The following TMEM132B variants were observed in gnomAD, a reference collection of about 807,000 sequenced individuals.
The protein encoded by TMEM132B is transmembrane protein 132B.
TMEM132B carries 18 observed loss-of-function variants against 90.8 expected under a neutral mutation model. That is an observed-to-expected ratio of 0.20 (90% CI 0.14 to 0.29). The LOEUF is 0.29. Ranked by LOEUF, TMEM132B falls within the 10% of genes least tolerant of loss-of-function variation. The pLI, the probability that TMEM132B is intolerant of heterozygous loss-of-function variation, is 1.00. For missense variants in TMEM132B, 1,096 were observed against 1,326.8 expected, an observed-to-expected ratio of 0.83 and a Z score of 2.70; for synonymous variants, 504 against 523.3, an observed-to-expected ratio of 0.96 and a Z score of 0.50.
At chr12:125,215,347 A>C (rs754610730) in intron 1 of TMEM132B, among the ~76,000 whole-genome samples, 1 of 152,234 alleles carries the variant, frequency 6.6e-6, no homozygotes, top group Non-Finnish European at 1.5e-5. Context: ...GGGTGTCAGC[A>C]GGCTGCATTC....
intron 5 of TMEM132B, among the ~76,000 whole-genome samples, chr12:125,607,032 G>C (rs774935788): frequency 2.6e-5 from 4 of 152,066 alleles, no homozygotes; most frequent in Non-Finnish European, 5.9e-5. Flanking sequence ...TTGGACACCC[G>C]GGAGTCCCAC....
Position 125,486,755 on chromosome 12 carries a change from G to A in TMEM132B, c.1107-32684G>A, listed in dbSNP as rs184791024. On this transcript the variant is annotated intron_variant, in intron 3 of 8. Coordinates refer to ENST00000682704, the MANE Select transcript of TMEM132B (RefSeq NM_001366854.1). ...TATTTCCCAGTGTCAGGAGACAAAC[G>A]TGTATGATTGCTGGCTGTCCTAATT... Among the ~76,000 whole-genome samples the A allele has an allele frequency of 2.2e-3, 341 of 152,284 alleles. 2 individuals carry two copies. The highest frequency in any genetic ancestry group is 3.4e-3 in the Middle Eastern group (1 of 294).
chr12:125,525,790 C>T (rs962027240), intron 4 of TMEM132B, among the ~76,000 whole-genome samples: 1 of 152,104 alleles, frequency 6.6e-6, no homozygotes, highest in Non-Finnish European at 1.5e-5. Flanking sequence ...TGATCTTTGC[C>T]CACTGAGTGG....
At chr12:125,215,697 A>T (rs1192803610) in intron 1 of TMEM132B, among the ~76,000 whole-genome samples, 2 of 152,068 alleles carry the variant, frequency 1.3e-5, no homozygotes, top group African/African-American at 4.8e-5. Flanking sequence ...ATGCGCCACC[A>T]CGCCTAGAGG....
intron 1 of TMEM132B, among the ~76,000 whole-genome samples, chr12:125,225,285 G>A (rs941465196): frequency 1.3e-5 from 2 of 152,220 alleles, no homozygotes; most frequent in Non-Finnish European, 2.9e-5. Context: ...ACGTAAGCAG[G>A]ACCAGCCGCA....
intron 5 of TMEM132B, among the ~76,000 whole-genome samples, chr12:125,621,307 A>T (rs1886105705): frequency 6.6e-6 from 1 of 152,162 alleles, no homozygotes; most frequent in Non-Finnish European, 1.5e-5. Flanking sequence ...GACAAGAATG[A>T]TGAGGGCATT....
chr12:125,434,512 A>AGAGGGTGG (rs1023040021), intron 3 of TMEM132B, among the ~76,000 whole-genome samples: 1 of 8,850 alleles, frequency 1.1e-4, no homozygotes, highest in South Asian at 2.9e-3. Flanking sequence ...GTGGGAGATT[A>AGAGGGTGG]GAGGGTGGGA....
chr12:125,281,289 T>C (rs981903263), intron 1 of TMEM132B, among the ~76,000 whole-genome samples: 1 of 152,102 alleles, frequency 6.6e-6, no homozygotes, highest in Non-Finnish European at 1.5e-5. Flanking sequence ...GGAACCTGTG[T>C]TTTGCTTCTG....
In TMEM132B at chr12:125,392,677, C is replaced by T. The variant is rs1488098695; in HGVS notation, c.960-22854C>T. 2.6e-5 allele frequency among the ~76,000 whole-genome samples: 4 copies of T among 152,306 alleles called. No individual in the cohort carries two copies. In the South Asian group the frequency reaches 6.2e-4, roughly 24 times the overall value. ...CCAAGAAAACCCACGTGGCTGAGGC[C>T]GGCTCACCTCCTGGGAGGAGTTGCA... On this transcript the variant is annotated intron_variant, in intron 2 of 8. Coordinates refer to ENST00000682704, the MANE Select transcript of TMEM132B (RefSeq NM_001366854.1).
At chr12:125,343,557 C>T (rs1566007701) in intron 1 of TMEM132B, among the ~76,000 whole-genome samples, 1 of 152,188 alleles carries the variant, frequency 6.6e-6, no homozygotes, top group Non-Finnish European at 1.5e-5. Context: ...AAGTGGAAAG[C>T]CTTTGGAATT....
intron 1 of TMEM132B, among the ~76,000 whole-genome samples, chr12:125,214,566 C>T (rs572857093): frequency 6.6e-6 from 1 of 152,290 alleles, no homozygotes; most frequent in African/African-American, 2.4e-5. Flanking sequence ...TCTGGCTGGA[C>T]CACGTTATAG....
intron 4 of TMEM132B, among the ~76,000 whole-genome samples, chr12:125,582,898 C>T (rs1885087316): frequency 6.6e-6 from 1 of 152,144 alleles, no homozygotes; most frequent in Admixed American, 6.5e-5. Context: ...TAAATGGGCT[C>T]AACTGTGGTG....
In TMEM132B at chr12:125,544,905, T is replaced by C. The variant is rs186603826; in HGVS notation, c.1293+25280T>C. Among the ~76,000 whole-genome samples the C allele has an allele frequency of 4.6e-5, 7 of 151,590 alleles. No homozygotes were observed. The East Asian group carries it at 1.4e-3, about 29-fold the overall frequency. On this transcript the variant is annotated intron_variant, in intron 4 of 8. Transcript: ENST00000682704. ...AGTGTTGAATATCTAGCAGTATTCT[T>C]GTATTTCCAGAAAACAATAGTAATC...
At chr12:125,411,365 T>TG (rs59119498) in intron 2 of TMEM132B, among the ~76,000 whole-genome samples, 21,732 of 109,548 alleles carry the variant, frequency 0.2, 1,881 homozygotes, top group Non-Finnish European at 0.22. Flanking sequence ...TGTCAGAGGG[T>TG]GGGGGGGGGC....
intron 3 of TMEM132B, among the ~76,000 whole-genome samples, chr12:125,425,185 G>T (rs1160031886): frequency 6.6e-6 from 1 of 152,170 alleles, no homozygotes; most frequent in Non-Finnish European, 1.5e-5. Context: ...GGTAGTGCAA[G>T]TGAGAACTAA....
chr12:125,409,575 T>TGGAGTGGAGTGGAGTGGA lies in TMEM132B; in HGVS notation c.960-5954_960-5937dup, dbSNP rs1566026043. On this transcript the variant is annotated intron_variant, in intron 2 of 8. Coordinates refer to ENST00000682704, the MANE Select transcript of TMEM132B (RefSeq NM_001366854.1). ...GCTGTGGACAGTGGAGTGGAGTGAG[T>TGGAGTGGAGTGGAGTGGA]GGAGTGGAGTGGAGTGGAGTGGAGG... 4.7e-4 allele frequency among the ~76,000 whole-genome samples: 56 copies of TGGAGTGGAGTGGAGTGGA among 119,514 alleles called. 1 individual carries two copies. The highest frequency in any genetic ancestry group is 6.5e-4 in the African/African-American group (18 of 27,792). 78.4% of individuals were successfully genotyped at this position (119,514 alleles called of 152,430 possible). A position where few individuals can be genotyped will look rare whatever the true frequency, so the allele number is the denominator to read the frequency against.
At chr12:125,389,940 A>G (rs1330167041) in intron 2 of TMEM132B, among the ~76,000 whole-genome samples, 1 of 152,218 alleles carries the variant, frequency 6.6e-6, no homozygotes, top group Non-Finnish European at 1.5e-5. Context: ...CCAATTGCAT[A>G]GCTCGATGAA....
In TMEM132B at chr12:125,658,938, T is replaced by G. The variant is rs905543706; in HGVS notation, c.*4228T>G. The G allele has an allele frequency of 6.6e-6, 1 of 152,208 alleles. No individual in the cohort carries two copies. Among genetic ancestry groups the G allele is most frequent in the Non-Finnish European group, 1.5e-5 (1 of 68,044 alleles). 9.4% of individuals were successfully genotyped at this position (152,208 alleles called of 1,614,324 possible). Reference sequence around the variant, plus strand: ...TGGATTTTTTTCTTTTCTTTTTTTCTGGAAATATTTCGGAAATAAAGTGAC... The same window carrying G: ...TGGATTTTTTTCTTTTCTTTTTTTCGGGAAATATTTCGGAAATAAAGTGAC... On this transcript the variant is annotated 3_prime_UTR_variant, in exon 9 of 9. Coordinates refer to ENST00000682704, the MANE Select transcript of TMEM132B (RefSeq NM_001366854.1).
intron 1 of TMEM132B, among the ~76,000 whole-genome samples, chr12:125,261,334 G>C (rs1593059729): frequency 6.6e-6 from 1 of 152,170 alleles, no homozygotes; most frequent in Non-Finnish European, 1.5e-5. Context: ...ACTTTTCATG[G>C]ACCTGAAATG....
Sources: allele counts gnomAD v4.1 joint callset (sites outside exome capture counted in the v4.1 genomes callset), GRCh38; gene constraint gnomAD v4.1.1; transcripts MANE v1.5; gene names NCBI Gene and HGNC (gene_info 2026-07-23, HGNC 2026-07-21).